Variants in DCC observed in about 807,000 individuals in gnomAD.
The protein encoded by DCC is DCC netrin 1 receptor, also known as netrin receptor DCC.
Under a neutral mutation model 172.5 loss-of-function variants are expected in DCC, and 58 were observed. That is an observed-to-expected ratio of 0.34 (90% CI 0.27 to 0.42). The LOEUF (loss-of-function observed/expected upper bound fraction) is 0.42. DCC is among the 10% of genes least tolerant of loss of function. The pLI is 1.00. For synonymous variants in DCC, 709 were observed against 644.5 expected (o/e 1.10, Z -1.52); for missense variants, 1,740 against 1,791.0 (o/e 0.97, Z 0.51).
intron 7 of DCC, among the ~76,000 whole-genome samples, chr18:53,105,098 A>C (rs1402479048): frequency 1.3e-5 from 2 of 152,180 alleles, no homozygotes; most frequent in East Asian, 3.9e-4. Context: ...GTGTTCATGT[A>C]TTAATTGGCA....
intron 12 of DCC, among the ~76,000 whole-genome samples, chr18:53,279,822 A>C (rs972851635): frequency 6.6e-6 from 1 of 152,110 alleles, no homozygotes; most frequent in Non-Finnish European, 1.5e-5. Context: ...TCCTGAGTGA[A>C]CTAACGCAGG....
At chr18:53,517,813 C>T (rs980773178) in intron 27 of DCC, among the ~76,000 whole-genome samples, 67 of 152,208 alleles carry the variant, frequency 4.4e-4, no homozygotes, top group African/African-American at 1.6e-3. Flanking sequence ...CCTTAAAGTA[C>T]AATTCACATG....
At chr18:52,366,889 C>G (rs564893395) in intron 1 of DCC, among the ~76,000 whole-genome samples, 1 of 152,210 alleles carries the variant, frequency 6.6e-6, no homozygotes, top group Non-Finnish European at 1.5e-5. Context: ...CTGCCAGTCC[C>G]GTGCCGTGCG....
intron 1 of DCC, among the ~76,000 whole-genome samples, chr18:52,598,943 C>T (rs2033962538): frequency 6.6e-6 from 1 of 152,092 alleles, no homozygotes; most frequent in Non-Finnish European, 1.5e-5. Flanking sequence ...CAAACTTCCT[C>T]TATCAAGCTC....
intron 12 of DCC, among the ~76,000 whole-genome samples, chr18:53,276,914 T>A (rs528957623): frequency 1.3e-5 from 2 of 152,136 alleles, no homozygotes; most frequent in Admixed American, 1.3e-4. Flanking sequence ...CCATTGATGG[T>A]GGTACTTGAA....
chr18:53,053,637 G>A (rs1259763977), intron 5 of DCC, among the ~76,000 whole-genome samples: 1 of 152,054 alleles, frequency 6.6e-6, no homozygotes, highest in Admixed American at 6.6e-5. Flanking sequence ...TTTATTCTAC[G>A]CTTTTAGAAT....
At chr18:53,200,933 T>C (rs1329820164) in intron 9 of DCC, among the ~76,000 whole-genome samples, 1 of 152,132 alleles carries the variant, frequency 6.6e-6, no homozygotes, top group African/African-American at 2.4e-5. Flanking sequence ...CTGAGTGATA[T>C]GGGCACACCT....
intron 7 of DCC, among the ~76,000 whole-genome samples, chr18:53,111,680 G>C (rs985715949): frequency 6.6e-6 from 1 of 151,618 alleles, no homozygotes; most frequent in Non-Finnish European, 1.5e-5. Context: ...TCTTGATTCT[G>C]AGCATTTATG....
chr18:53,128,858 CACACACACACACAT>C (rs1366383960), intron 7 of DCC, among the ~76,000 whole-genome samples: 21 of 75,470 alleles, frequency 2.8e-4, no homozygotes, highest in Admixed American at 8.6e-4. Context: ...CACACACACA[CACACACACACACAT>C]ATATATATAT....
chr18:53,420,109 C>T (rs894674210), intron 21 of DCC, among the ~76,000 whole-genome samples: 5 of 152,126 alleles, frequency 3.3e-5, no homozygotes, highest in African/African-American at 7.2e-5. Context: ...CCTGTCTTGG[C>T]CTCTTAAAGT....
rs116464255 is a variant in DCC, at chr18:52,733,706, G to C, written c.92-18348G>C. On this transcript the variant is annotated intron_variant, in intron 1 of 28. Transcript: ENST00000442544. ...AGACATGTTCTCGCTATGTTACCTA[G>C]GGTGGTCTCAAACTCCTAGCCTCAA... Among the ~76,000 whole-genome samples, 1,208 of 152,062 alleles carry C rather than the reference G, an allele frequency of 7.9e-3. 12 individuals carry two copies. Among genetic ancestry groups the C allele is most frequent in the African/African-American group, 0.028 (1,159 of 41,486 alleles).
chr18:53,121,147 T>A (rs2043478053), intron 7 of DCC, among the ~76,000 whole-genome samples: 1 of 151,776 alleles, frequency 6.6e-6, no homozygotes, highest in African/African-American at 2.4e-5. Flanking sequence ...ATTTGTTCTA[T>A]CCATGATAAA....
At chr18:53,313,527 T>G (rs1012515778) in intron 13 of DCC, among the ~76,000 whole-genome samples, 3 of 152,212 alleles carry the variant, frequency 2.0e-5, no homozygotes, top group Non-Finnish European at 4.4e-5. Context: ...ATTACAGGCT[T>G]GAGCCACCGC....
intron 2 of DCC, among the ~76,000 whole-genome samples, chr18:52,844,320 G>GCAGACAGACAGA (rs10643611): frequency 1.5e-4 from 23 of 151,244 alleles, no homozygotes; most frequent in East Asian, 7.9e-4. Flanking sequence ...ACATAGATAG[G>GCAGACAGACAGA]CAGACAGACA....
chr18:52,938,901 G>T (rs137896773), intron 5 of DCC, among the ~76,000 whole-genome samples: 1 of 151,262 alleles, frequency 6.6e-6, no homozygotes, highest in Non-Finnish European at 1.5e-5. Context: ...TTCATAACCT[G>T]GACCAGTCCT....
At chr18:53,151,190 A>G (rs553286376) in intron 7 of DCC, among the ~76,000 whole-genome samples, 7 of 152,338 alleles carry the variant, frequency 4.6e-5, no homozygotes, top group African/African-American at 1.7e-4. Context: ...ATTCCATAGC[A>G]CTATTATTAT....
chr18:53,414,712 G>T (rs893899909), intron 20 of DCC, among the ~76,000 whole-genome samples: 1 of 152,140 alleles, frequency 6.6e-6, no homozygotes. Flanking sequence ...GCCAGGCGTG[G>T]TGGCACATGC....
At chr18:52,739,468 A>T (rs564630439) in intron 1 of DCC, among the ~76,000 whole-genome samples, 2 of 152,294 alleles carry the variant, frequency 1.3e-5, no homozygotes, top group South Asian at 4.2e-4. Flanking sequence ...TTTGCAACAT[A>T]ATAAGGTAGA....
intron 2 of DCC, among the ~76,000 whole-genome samples, chr18:52,845,890 A>G (rs887712486): frequency 1.3e-5 from 2 of 151,872 alleles, no homozygotes; most frequent in African/African-American, 2.4e-5. Context: ...GATCTGGGGG[A>G]AAGTCCCTCC....
Sources: allele counts gnomAD v4.1 joint callset (sites outside exome capture counted in the v4.1 genomes callset), GRCh38; gene constraint gnomAD v4.1.1; transcripts MANE v1.5; gene names NCBI Gene and HGNC (gene_info 2026-07-23, HGNC 2026-07-21).